The following SORCS1 variants were observed in gnomAD, a reference collection of about 807,000 sequenced individuals.
SORCS1 encodes sortilin related VPS10 domain containing receptor 1.
In SORCS1, 60 loss-of-function variants were observed where a neutral mutation model predicts 146.1. The ratio of observed to expected loss-of-function variants is 0.41; its 90% confidence interval spans 0.33 to 0.51. SORCS1 has a LOEUF of 0.51. Ranked by LOEUF, SORCS1 falls within the 20% of genes least tolerant of loss-of-function variation. The pLI is 0.21. For missense variants in SORCS1, 1,352 were observed against 1,487.6 expected, an observed-to-expected ratio of 0.91 and a Z score of 1.50; for synonymous variants, 637 against 584.0, an observed-to-expected ratio of 1.09 and a Z score of -1.31.
intron 2 of SORCS1, among the ~76,000 whole-genome samples, chr10:106,846,067 C>G (rs1949306192): frequency 9.0e-6 from 1 of 110,578 alleles, no homozygotes; most frequent in Non-Finnish European, 2.1e-5. Context: ...GCGATGCGGG[C>G]TCTTTTTTGG....
At chr10:106,774,028 A>G (rs1203052309) in intron 4 of SORCS1, among the ~76,000 whole-genome samples, 1 of 152,206 alleles carries the variant, frequency 6.6e-6, no homozygotes, top group Non-Finnish European at 1.5e-5. Context: ...TGTGATACCA[A>G]TTAGTGATTT....
rs1016811711 is a variant in SORCS1, at chr10:106,601,674, A to C, written c.3166-4224T>G. Among the ~76,000 whole-genome samples, 4 of 152,326 alleles carry C rather than the reference A, an allele frequency of 2.6e-5. No homozygotes were observed. The East Asian group carries it at 7.7e-4, about 29-fold the overall frequency. On this transcript the variant is annotated intron_variant, in intron 23 of 25. Transcript: ENST00000263054. The stretch of plus-strand genomic sequence containing the variant: ...ATCAAGAAAGGTCAATTTTTTGCTC[A>C]CATGTCATATCCATGGCAGCTATGC...
intron 23 of SORCS1, among the ~76,000 whole-genome samples, chr10:106,606,921 A>C (rs1421156602): frequency 6.6e-6 from 1 of 152,184 alleles, no homozygotes; most frequent in African/African-American, 2.4e-5. Flanking sequence ...AAGTTTCCTG[A>C]GGCCTCCCTA....
intron 1 of SORCS1, among the ~76,000 whole-genome samples, chr10:107,103,497 G>T (rs570778123): frequency 2.6e-5 from 4 of 152,268 alleles, no homozygotes; most frequent in South Asian, 4.1e-4. Context: ...TCAGCATAAG[G>T]TCTCTTTGTC....
At chr10:107,076,636 C>T (rs1045330575) in intron 1 of SORCS1, among the ~76,000 whole-genome samples, 2 of 152,172 alleles carry the variant, frequency 1.3e-5, no homozygotes, top group African/African-American at 4.8e-5. Flanking sequence ...TGTGAGTCAA[C>T]ATTTAATGAG....
chr10:106,756,265 A>C (rs1858631079), intron 5 of SORCS1, among the ~76,000 whole-genome samples: 1 of 152,220 alleles, frequency 6.6e-6, no homozygotes, highest in African/African-American at 2.4e-5. Flanking sequence ...GATATGAATA[A>C]TATTAACACT....
intron 9 of SORCS1, among the ~76,000 whole-genome samples, chr10:106,696,775 T>C (rs1334795041): frequency 6.6e-6 from 1 of 152,214 alleles, no homozygotes; most frequent in Non-Finnish European, 1.5e-5. Context: ...AACAAGACAT[T>C]GCAAAGTCAT....
intron 2 of SORCS1, among the ~76,000 whole-genome samples, chr10:106,858,607 C>CACA (rs1949882627): frequency 1.2e-5 from 1 of 81,162 alleles, no homozygotes; most frequent in Non-Finnish European, 2.3e-5. Context: ...GCCTCTGTCT[C>CACA]AAAAAAAAAA....
chr10:106,829,379 C>A (rs1307114051), intron 3 of SORCS1, among the ~76,000 whole-genome samples, 195 bp downstream of exon 3: 1 of 152,170 alleles, frequency 6.6e-6, no homozygotes, highest in Non-Finnish European at 1.5e-5. Flanking sequence ...CTATCCCTCA[C>A]CCTCTTACAT....
intron 2 of SORCS1, among the ~76,000 whole-genome samples, chr10:106,927,740 C>A: frequency 6.6e-6 from 1 of 152,168 alleles, no homozygotes; most frequent in South Asian, 2.1e-4. Flanking sequence ...CAAGTCCCCA[C>A]CAGAGTAGCT....
intron 1 of SORCS1, among the ~76,000 whole-genome samples, chr10:107,125,204 G>A (rs753985881): frequency 1.4e-4 from 22 of 152,108 alleles, no homozygotes; most frequent in Middle Eastern, 6.8e-3. Flanking sequence ...GCACGCCTTG[G>A]CCTCAAAAAG....
the SORCS1 span, among the ~76,000 whole-genome samples, chr10:107,172,886 A>G: frequency 6.6e-6 from 1 of 152,232 alleles, no homozygotes; most frequent in South Asian, 2.1e-4. Context: ...AAGTTAGTTT[A>G]AAGAGAACCC....
chr10:107,071,827 T>C (rs372864312), intron 1 of SORCS1, among the ~76,000 whole-genome samples: 5 of 152,046 alleles, frequency 3.3e-5, no homozygotes, highest in Non-Finnish European at 7.4e-5. Flanking sequence ...AACTAGATAA[T>C]TGAAGATGTA....
chr10:107,079,662 T>C (rs1156537007), intron 1 of SORCS1, among the ~76,000 whole-genome samples: 3 of 152,114 alleles, frequency 2.0e-5, no homozygotes, highest in Admixed American at 6.5e-5. Context: ...AAATGGGTGA[T>C]AAAAATTTGA....
intron 2 of SORCS1, among the ~76,000 whole-genome samples, chr10:106,853,015 T>G (rs2137311747): frequency 6.6e-6 from 1 of 152,322 alleles, no homozygotes; most frequent in African/African-American, 2.4e-5. Flanking sequence ...TCCCTCTGCT[T>G]CTGTATTCTG....
At chr10:106,715,639 CATA>C (rs1192975487) in intron 6 of SORCS1, among the ~76,000 whole-genome samples, 1 of 152,228 alleles carries the variant, frequency 6.6e-6, no homozygotes, top group African/African-American at 2.4e-5. Flanking sequence ...ACTGTACTCA[CATA>C]ATGATAGCTG....
chr10:106,755,013 G>A (rs1858529446), intron 5 of SORCS1, among the ~76,000 whole-genome samples: 2 of 152,196 alleles, frequency 1.3e-5, no homozygotes. Flanking sequence ...GGTTGCTGAA[G>A]AGTTTCTAAT....
chr10:106,967,927 G>C (rs572543378), intron 1 of SORCS1, among the ~76,000 whole-genome samples: 1 of 151,802 alleles, frequency 6.6e-6, no homozygotes, highest in Non-Finnish European at 1.5e-5. Flanking sequence ...AAAAAATGCC[G>C]GGTGTGGTGG....
rs189695687 is a variant in SORCS1, at chr10:107,121,617, T to A, written c.558+42352A>T. ...AACATTATCAAACATGATTCTACAGTAAAAAAAAAAAATCACAGGGTATTA... is the reference window on the plus strand; with the variant it reads ...AACATTATCAAACATGATTCTACAGAAAAAAAAAAAAATCACAGGGTATTA... On this transcript the variant is annotated intron_variant, in intron 1 of 25. Coordinates refer to ENST00000263054, the MANE Select transcript of SORCS1 (RefSeq NM_052918.5). 1.3e-3 allele frequency among the ~76,000 whole-genome samples: 190 copies of A among 144,924 alleles called. 4 individuals are homozygous for A. The East Asian group carries it at 0.033, about 25-fold the overall frequency.
Sources: gnomAD v4.1 joint callset for allele counts (sites outside exome capture counted in the v4.1 genomes callset) on GRCh38, gnomAD v4.1.1 for gene constraint, MANE v1.5 for transcripts, NCBI Gene and HGNC (gene_info 2026-07-23, HGNC 2026-07-21) for gene names.